The following COL4A1 variants were observed in gnomAD, a reference collection of about 807,000 sequenced individuals.
COL4A1 encodes collagen alpha-1(IV) chain.
Under a neutral mutation model 216.6 loss-of-function variants are expected in COL4A1, and 40 were observed. The ratio of observed to expected loss-of-function variants is 0.18; its 90% CI spans 0.14 to 0.24. The LOEUF (loss-of-function observed/expected upper bound fraction) is 0.24, where lower values mean the gene tolerates loss of function less well. Among genes scored for constraint, COL4A1 ranks in the 10% least tolerant of loss-of-function variants. The probability of loss-of-function intolerance (pLI) is 1.00; values close to 1 mark genes in which losing one functional copy is unlikely to be tolerated. For synonymous variants in COL4A1, 839 were observed against 810.7 expected (o/e 1.03, Z -0.59); for missense variants, 1,628 against 2,196.8 (o/e 0.74, Z 5.18).
intron 1 of COL4A1, among the ~76,000 whole-genome samples, chr13:110,258,492 A>T (rs12020579): frequency 0.15 from 23,371 of 152,126 alleles, 2,137 homozygotes; most frequent in Non-Finnish European, 0.21. Flanking sequence ...GTGAGCCAAG[A>T]TCATGCCACT....
intron 28 of COL4A1, among the ~76,000 whole-genome samples, chr13:110,182,739 G>A (rs991784526): frequency 6.6e-6 from 1 of 152,212 alleles, no homozygotes; most frequent in Non-Finnish European, 1.5e-5. Context: ...GGGTTTCAGC[G>A]GGCACCATTG....
At chr13:110,217,159 G>C (rs907277345) in intron 2 of COL4A1, among the ~76,000 whole-genome samples, 11 of 152,208 alleles carry the variant, frequency 7.2e-5, no homozygotes, top group Non-Finnish European at 1.5e-4. Context: ...GGGAACCAGA[G>C]CAGAGCAAAC....
Position 110,163,462 on chromosome 13 carries a change from C to T in COL4A1, c.4249+1G>A, listed in dbSNP as rs760532152. 6.2e-7 allele frequency: 1 copy of T among 1,614,118 alleles called. No homozygotes were observed. The highest frequency in any genetic ancestry group is 8.5e-7 in the Non-Finnish European group (1 of 1,179,990). On this transcript the variant is annotated splice_donor_variant, in intron 47 of 51. Coordinates refer to ENST00000375820, the MANE Select transcript of COL4A1 (RefSeq NM_001845.6). LOFTEE classifies it high-confidence loss of function. Reference sequence around the variant, plus strand: ...ATTACGTTGGAAGTTTCGCAACCTACCAGTAGGCCCGGCAGGTCCCATCTC... The same window carrying T: ...ATTACGTTGGAAGTTTCGCAACCTATCAGTAGGCCCGGCAGGTCCCATCTC...
At position 110,174,756 on chromosome 13, in the gene COL4A1, G is replaced by A. The variant is rs759460845; in HGVS notation, c.3199-7C>T. ...CCGCTATCCCTTGATCTCCCTGCAA[G>A]TAAAAGTCAGGCATATTAACTTTAC... On this transcript the variant is annotated splice_region_variant and splice_polypyrimidine_tract_variant and intron_variant, in intron 37 of 51. Transcript: ENST00000375820. 8 of 1,612,720 alleles carry A rather than the reference G, an allele frequency of 5.0e-6. No individual in the cohort carries two copies. In the African/African-American group the frequency reaches 6.7e-5, roughly 13 times the overall value.
At chr13:110,184,598 AAC>A (rs1878318808) in intron 26 of COL4A1, among the ~76,000 whole-genome samples, 1 of 152,234 alleles carries the variant, frequency 6.6e-6, no homozygotes, top group East Asian at 1.9e-4. Flanking sequence ...GGATAAGAGT[AAC>A]AGTTATGTTA....
intron 2 of COL4A1, among the ~76,000 whole-genome samples, chr13:110,216,968 A>G (rs777688870): frequency 1.3e-5 from 2 of 152,212 alleles, no homozygotes; most frequent in African/African-American, 2.4e-5. Flanking sequence ...ATGTCACCAG[A>G]AAGTTTAAGC....
chr13:110,285,902 C>A (rs544475242), intron 1 of COL4A1, among the ~76,000 whole-genome samples: 1 of 152,244 alleles, frequency 6.6e-6, no homozygotes, highest in South Asian at 2.1e-4. Flanking sequence ...GTATTGGTAC[C>A]TTTTCTCTGG....
chr13:110,209,540 T>C, intron 10 of COL4A1, 113 bp from the exon 11 acceptor site: 1 of 880,026 alleles, frequency 1.1e-6, no homozygotes, highest in East Asian at 2.4e-5. Flanking sequence ...AATTTATTTG[T>C]GAAATATTTT....
rs78577060 is a variant in COL4A1 at position 110,293,617 on chromosome 13, G to A, written c.84+13327C>T. Reference sequence around the variant, plus strand: ...TCAGGCCTGCACTTTCGAACATGCTGTTTGAACATACTGGAAACACCAGCT... The same window carrying A: ...TCAGGCCTGCACTTTCGAACATGCTATTTGAACATACTGGAAACACCAGCT... On this transcript the variant is annotated intron_variant, in intron 1 of 51. Transcript: ENST00000375820. Among the ~76,000 whole-genome samples the A allele has an allele frequency of 1.3e-4, 20 of 152,296 alleles. 1 individual carries two copies. The East Asian group carries it at 3.9e-3, about 29-fold the overall frequency.
intron 46 of COL4A1, 60 bp from the exon 47 acceptor site, chr13:110,163,621 C>T (rs572139999): frequency 2.8e-4 from 412 of 1,459,036 alleles, no homozygotes; most frequent in Non-Finnish European, 3.6e-4. Flanking sequence ...TCTCTTTCTT[C>T]CCTTCTTAAA....
chr13:110,258,432 C>T (rs1594097857), intron 1 of COL4A1, among the ~76,000 whole-genome samples: 2 of 152,072 alleles, frequency 1.3e-5, no homozygotes, highest in African/African-American at 2.4e-5. Flanking sequence ...CCCAGATACT[C>T]GGGCGGCTAA....
chr13:110,240,146 A>G (rs1356828648), intron 2 of COL4A1, among the ~76,000 whole-genome samples: 1 of 152,216 alleles, frequency 6.6e-6, no homozygotes. Flanking sequence ...TTTAAATCAC[A>G]AATTCAGAAT....
At chr13:110,201,328 A>AAGGAGGAGGAGGAAC in intron 19 of COL4A1, 110 bp downstream of exon 19, 2 of 667,162 alleles carry the variant, frequency 3.0e-6, no homozygotes, top group Admixed American at 2.3e-5. Context: ...GGGGAGGAGG[A>AAGGAGGAGGAGGAAC]AGGAGGAGGA....
intron 1 of COL4A1, among the ~76,000 whole-genome samples, chr13:110,271,340 A>T (rs889424680): frequency 6.6e-6 from 1 of 152,200 alleles, no homozygotes; most frequent in African/African-American, 2.4e-5. Context: ...TCCACAAGAT[A>T]CATATTAGGA....
chr13:110,179,489 C>G, intron 29 of COL4A1, 68 bp from the exon 30 acceptor site: 2 of 1,608,314 alleles, frequency 1.2e-6, no homozygotes, highest in Non-Finnish European at 1.7e-6. Context: ...AAACCAATAG[C>G]GTAAGTGAAG....
intron 20 of COL4A1, 112 bp downstream of exon 20, chr13:110,200,742 T>G: frequency 2.6e-6 from 3 of 1,143,218 alleles, no homozygotes; most frequent in Non-Finnish European, 2.6e-6. Context: ...GTCGTAAGAT[T>G]GCTACCGATT....
At chr13:110,226,239 C>T (rs768222595) in intron 2 of COL4A1, among the ~76,000 whole-genome samples, 1 of 152,196 alleles carries the variant, frequency 6.6e-6, no homozygotes, top group African/African-American at 2.4e-5. Flanking sequence ...AAGAAACTCC[C>T]CCCTTTATCT....
chr13:110,244,182 T>C (rs1881687468), intron 1 of COL4A1, among the ~76,000 whole-genome samples: 1 of 152,182 alleles, frequency 6.6e-6, no homozygotes, highest in Non-Finnish European at 1.5e-5. Flanking sequence ...TAACAACATA[T>C]TCCAGCCTCA....
At position 110,152,252 on chromosome 13, in the gene COL4A1, A is replaced by G. The variant is rs569597127; in HGVS notation, c.4928+82T>C. The G allele has an allele frequency of 3.8e-6, 6 of 1,579,160 alleles. No individual in the cohort carries two copies. In the African/African-American group the frequency reaches 8.0e-5, roughly 21 times the overall value. ...AACCATCTTTGAGACTTTGCATTGG[A>G]AGGTGTTACGGATCGCGGATGATTA... On this transcript the variant is annotated intron_variant, in intron 51 of 51. Coordinates refer to ENST00000375820, the MANE Select transcript of COL4A1 (RefSeq NM_001845.6).
Sources: gnomAD v4.1 joint callset for allele counts (sites outside exome capture counted in the v4.1 genomes callset) on GRCh38, gnomAD v4.1.1 for gene constraint, MANE v1.5 for transcripts, NCBI Gene and HGNC (gene_info 2026-07-23, HGNC 2026-07-21) for gene names.